Variants in GPC5 observed in about 807,000 individuals in gnomAD.
GPC5 encodes the protein glypican 5.
GPC5 carries 47 observed loss-of-function variants against 53.9 expected under a neutral mutation model. The ratio of observed to expected loss-of-function variants is 0.87; its 90% CI spans 0.69 to 1.11. The LOEUF (loss-of-function observed/expected upper bound fraction) is 1.11, where lower values mean the gene tolerates loss of function less well. Ranked by LOEUF, GPC5 falls within the 50% of genes most tolerant of loss-of-function variation. The pLI, the probability that GPC5 is intolerant of heterozygous loss-of-function variation, is 0.00. For missense variants in GPC5, 748 were observed against 713.1 expected (o/e 1.05, Z -0.56); for synonymous variants, 286 against 263.3 (o/e 1.09, Z -0.84).
At chr13:92,161,492 G>C (rs919053940) in intron 7 of GPC5, among the ~76,000 whole-genome samples, 1 of 151,952 alleles carries the variant, frequency 6.6e-6, no homozygotes, top group African/African-American at 2.4e-5. Context: ...ATTAATTTTA[G>C]CCAAGAATAT....
At chr13:91,436,011 T>C (rs1879912950) in intron 1 of GPC5, among the ~76,000 whole-genome samples, 1 of 152,234 alleles carries the variant, frequency 6.6e-6, no homozygotes, top group South Asian at 2.1e-4. Context: ...GTAGTTTGTA[T>C]TTCTGTGGGA....
intron 5 of GPC5, among the ~76,000 whole-genome samples, chr13:91,790,214 T>C (rs1469644897): frequency 6.6e-6 from 1 of 152,236 alleles, no homozygotes; most frequent in East Asian, 1.9e-4. Flanking sequence ...GGTTTAATTT[T>C]CATTTCTCAG....
At chr13:92,216,901 C>G (rs2139082238) in intron 7 of GPC5, among the ~76,000 whole-genome samples, 1 of 151,550 alleles carries the variant, frequency 6.6e-6, no homozygotes, top group Non-Finnish European at 1.5e-5. Flanking sequence ...ATTACTTGAA[C>G]CCAGGAGGTG....
At chr13:91,409,950 G>A (rs1877599536) in intron 1 of GPC5, among the ~76,000 whole-genome samples, 1 of 152,206 alleles carries the variant, frequency 6.6e-6, no homozygotes, top group South Asian at 2.1e-4. Context: ...TTATAAGTGA[G>A]AACATGTGGT....
chr13:91,693,530 C>G lies in GPC5; in HGVS notation c.669C>G (p.Arg223=). The G allele has an allele frequency of 6.2e-7, 1 of 1,614,072 alleles. No individual in the cohort carries two copies. The highest frequency in any genetic ancestry group is 1.3e-5 in the African/African-American group (1 of 75,022). ...TGGGGAGGTCCCTGCTGCCCAGCCG[C>G]ACTTTTCTGCAGGCACTCAATCTGG... The part of the protein sequence containing the change: ...GQMGRSLLPS[R]TFLQALNLGI... Residue 223 remains arginine, a synonymous_variant, in exon 3 of 8, where the codon CGC becomes CGG. Coordinates refer to ENST00000377067, the MANE Select transcript of GPC5 (RefSeq NM_004466.6).
At chr13:91,790,789 A>G (rs2138746649) in intron 5 of GPC5, among the ~76,000 whole-genome samples, 1 of 152,370 alleles carries the variant, frequency 6.6e-6, no homozygotes, top group East Asian at 1.9e-4. Flanking sequence ...TTCTTGAAAT[A>G]CAAATGTATG....
At chr13:92,275,613 T>C (rs2042869910) in intron 7 of GPC5, among the ~76,000 whole-genome samples, 1 of 152,108 alleles carries the variant, frequency 6.6e-6, no homozygotes, top group African/African-American at 2.4e-5. Context: ...TGAACATTTC[T>C]TTCACCCATA....
intron 1 of GPC5, among the ~76,000 whole-genome samples, chr13:91,419,523 G>A (rs1450450920): frequency 6.6e-6 from 1 of 151,968 alleles, no homozygotes; most frequent in Non-Finnish European, 1.5e-5. Flanking sequence ...GAAAGAGAAA[G>A]GAACAAGAAA....
intron 7 of GPC5, among the ~76,000 whole-genome samples, chr13:92,781,454 G>A (rs951897588): frequency 2.0e-5 from 3 of 151,776 alleles, no homozygotes; most frequent in Admixed American, 2.0e-4. Context: ...AATATAATAG[G>A]CACTTAGAAA....
intron 6 of GPC5, among the ~76,000 whole-genome samples, chr13:92,027,273 A>T (rs1179254943): frequency 6.6e-6 from 1 of 152,170 alleles, no homozygotes; most frequent in African/African-American, 2.4e-5. Context: ...TTTTAGCTAA[A>T]GGGAAAACTG....
chr13:92,033,341 T>A (rs2040868572), intron 6 of GPC5, among the ~76,000 whole-genome samples: 1 of 152,182 alleles, frequency 6.6e-6, no homozygotes, highest in Non-Finnish European at 1.5e-5. Context: ...ACTCAAAGTT[T>A]GTATCTTAAT....
chr13:92,632,461 CACATATAT>C (rs1190628822), intron 7 of GPC5, among the ~76,000 whole-genome samples: 1 of 58,066 alleles, frequency 1.7e-5, no homozygotes, highest in Non-Finnish European at 6.1e-5. Flanking sequence ...GAAAATATTC[CACATATAT>C]ATATATATAT....
At position 92,825,314 on chromosome 13, in the gene GPC5, G is replaced by A. The variant is rs1877808775; in HGVS notation, c.1562-40968G>A. 3.9e-5 allele frequency among the ~76,000 whole-genome samples: 6 copies of A among 152,138 alleles called. No homozygotes were observed. In the South Asian group the frequency reaches 1.2e-3, roughly 32 times the overall value. Reference sequence around the variant, plus strand: ...ACATTTAATTTTTAAGGACACCAAAGGTAGTCCTAAAATTTTACATGTACT... The same window carrying A: ...ACATTTAATTTTTAAGGACACCAAAAGTAGTCCTAAAATTTTACATGTACT... On this transcript the variant is annotated intron_variant, in intron 7 of 7. Coordinates refer to ENST00000377067, the MANE Select transcript of GPC5 (RefSeq NM_004466.6).
intron 7 of GPC5, among the ~76,000 whole-genome samples, chr13:92,389,638 C>T (rs372744294): frequency 2.0e-5 from 3 of 152,178 alleles, no homozygotes; most frequent in African/African-American, 7.2e-5. Flanking sequence ...ATTCAGAGTT[C>T]CACACTGCTA....
intron 7 of GPC5, among the ~76,000 whole-genome samples, chr13:92,562,793 T>G (rs1882739723): frequency 6.6e-6 from 1 of 152,052 alleles, no homozygotes; most frequent in Non-Finnish European, 1.5e-5. Flanking sequence ...TCGTCTTTTA[T>G]GCCTACAAAA....
intron 7 of GPC5, among the ~76,000 whole-genome samples, chr13:92,329,841 A>G (rs7490525): frequency 0.41 from 61,620 of 151,974 alleles, 12,649 homozygotes; most frequent in Middle Eastern, 0.52. Context: ...AATCAAATGA[A>G]GATGTGAAGA....
chr13:91,989,140 CA>C (rs2040434900), intron 6 of GPC5, among the ~76,000 whole-genome samples: 1 of 152,160 alleles, frequency 6.6e-6, no homozygotes, highest in Non-Finnish European at 1.5e-5. Context: ...TCAGTGGCCA[CA>C]CTCCTTCCTG....
chr13:92,739,769 T>C (rs1475525925), intron 7 of GPC5, among the ~76,000 whole-genome samples: 1 of 150,822 alleles, frequency 6.6e-6, no homozygotes, highest in African/African-American at 2.4e-5. Context: ...AACAACCAAA[T>C]TGAAAAAAGA....
intron 7 of GPC5, among the ~76,000 whole-genome samples, chr13:92,628,831 G>A (rs2139128090): frequency 6.6e-6 from 1 of 152,238 alleles, no homozygotes; most frequent in South Asian, 2.1e-4. Flanking sequence ...TCCTCTCATG[G>A]AACTAGAAGA....
Sources: gnomAD v4.1 joint callset for allele counts (sites outside exome capture counted in the v4.1 genomes callset) on GRCh38, gnomAD v4.1.1 for gene constraint, MANE v1.5 for transcripts, NCBI Gene and HGNC (gene_info 2026-07-23, HGNC 2026-07-21) for gene names.